The following SCN1A variants were observed in gnomAD, a reference collection of about 807,000 sequenced individuals.
The protein encoded by SCN1A is sodium channel protein type 1 subunit alpha.
In SCN1A, 13 loss-of-function variants were observed where a neutral mutation model predicts 193.7. That is an observed-to-expected ratio of 0.07 (90% CI 0.04 to 0.11). The LOEUF is 0.11. SCN1A is among the 10% of genes least tolerant of loss of function. The pLI is 1.00. For synonymous variants in SCN1A, 781 were observed against 843.6 expected, an observed-to-expected ratio of 0.93 and a Z score of 1.29; for missense variants, 1,432 against 2,451.1, an observed-to-expected ratio of 0.58 and a Z score of 8.78.
At position 165,988,922 on chromosome 2, in the gene SCN1A, C is replaced by T. The variant is rs1168089051; in HGVS notation, c.*2323G>A. On this transcript the variant is annotated 3_prime_UTR_variant, in exon 29 of 29. Transcript: ENST00000674923. ...TAGCTATCCTCTGACACCAGTTCTT[C>T]CTCCTAACAGAGAACACACCTGCTG... 1 of 152,414 alleles carries T rather than the reference C, an allele frequency of 6.6e-6. No individual in the cohort carries two copies. The highest frequency in any genetic ancestry group is 1.5e-5 in the Non-Finnish European group (1 of 68,036). 9.4% of individuals were successfully genotyped at this position (152,414 alleles called of 1,614,324 possible).
chr2:166,073,690 G>A lies in SCN1A; in HGVS notation c.-49-20C>T. 1 of 1,534,888 alleles carries A rather than the reference G, an allele frequency of 6.5e-7. No individual in the cohort carries two copies. The highest frequency in any genetic ancestry group is 9.0e-7 in the Non-Finnish European group (1 of 1,113,784). ...AAATTCCTAAAATAAAAGGAATACAGATATTTTAAAGAGTGGACTAAGAGA... is the reference window on the plus strand; with the variant it reads ...AAATTCCTAAAATAAAAGGAATACAAATATTTTAAAGAGTGGACTAAGAGA... On this transcript the variant is annotated intron_variant, in intron 3 of 28. Transcript: ENST00000674923.
intron 2 of SCN1A, among the ~76,000 whole-genome samples, chr2:166,084,759 A>T (rs556831396): frequency 6.6e-6 from 1 of 152,238 alleles, no homozygotes; most frequent in East Asian, 1.9e-4. Context: ...GACGCACCTG[A>T]CAGCAATAAT....
At position 165,990,524 on chromosome 2, in the gene SCN1A, T is replaced by C. The variant is rs4667859; in HGVS notation, c.*721A>G. ...TAAGATTTACTGGCCTACCCACAAA[T>C]AATCTACTTGGTCTAGGGGCTGGAT... On this transcript the variant is annotated 3_prime_UTR_variant, in exon 29 of 29. Coordinates refer to ENST00000674923, the MANE Select transcript of SCN1A (RefSeq NM_001165963.4). 1 allele frequency: 152,214 copies of C among 152,668 alleles called. 75,881 individuals are homozygous for C. Among genetic ancestry groups the C allele is most frequent in the Middle Eastern group, 1 (294 of 294 alleles). The allele number at this position is 152,668 out of a possible 1,614,324, so 9.5% of individuals were successfully genotyped here.
chr2:166,120,457 A>G (rs1294683653), intron 2 of SCN1A, among the ~76,000 whole-genome samples: 1 of 151,390 alleles, frequency 6.6e-6, no homozygotes, highest in African/African-American at 2.4e-5. Context: ...GGGCAATTTT[A>G]TATAGAATTA....
At chr2:166,011,970 ACT>A in intron 22 of SCN1A, 137 bp downstream of exon 22, 1 of 721,032 alleles carries the variant, frequency 1.4e-6, no homozygotes, top group African/African-American at 1.8e-5. Context: ...CAGAAATGAC[ACT>A]CTCATTGCAT....
In SCN1A at chr2:165,991,774, G is replaced by A. The variant is rs780809852; in HGVS notation, c.5501C>T (p.Ala1834Val). Residue 1834 changes from alanine (A) to valine (V), a missense_variant, in exon 29 of 29, where the codon GCG becomes GTG. Physicochemically the swap from Ala to Val is moderately conservative, Grantham distance 64. Coordinates refer to ENST00000674923, the MANE Select transcript of SCN1A (RefSeq NM_001165963.4). ...EFEKLSQFAA[A>V]LEPPLNLPQP... ...TGGCAGATTGAGAGGCGGTTCAAGC[G>A]CAGCTGCAAACTGAGATAATTTTTC... The A allele has an allele frequency of 1.6e-5, 26 of 1,613,778 alleles. No homozygotes were observed. The highest frequency in any genetic ancestry group is 7.7e-5 in the South Asian group (7 of 91,088).
In SCN1A at chr2:166,073,293, C is replaced by A. The variant is rs1436099513; in HGVS notation, c.264+65G>T. 1.8e-5 allele frequency: 29 copies of A among 1,592,852 alleles called. No individual in the cohort carries two copies. The Admixed American group carries it at 4.7e-4, about 26-fold the overall frequency. On this transcript the variant is annotated intron_variant, in intron 4 of 28. Coordinates refer to ENST00000674923, the MANE Select transcript of SCN1A (RefSeq NM_001165963.4). ...TGTGCTAATTTGGCATGTGTTGGTG[C>A]TACAACAGTCCAAGGAATGCAGTAG...
At chr2:166,121,791 G>C (rs879750561) in intron 2 of SCN1A, among the ~76,000 whole-genome samples, 7 of 152,148 alleles carry the variant, frequency 4.6e-5, no homozygotes. Context: ...AGGCTGAATT[G>C]TATCCTCCCC....
At chr2:166,089,329 C>A (rs1686508257) in intron 2 of SCN1A, among the ~76,000 whole-genome samples, 1 of 152,006 alleles carries the variant, frequency 6.6e-6, no homozygotes, top group East Asian at 1.9e-4. Context: ...ATGTAGCAGC[C>A]CTATATATGA....
At chr2:166,125,379 A>G (rs4667506) in intron 2 of SCN1A, among the ~76,000 whole-genome samples, 3,645 of 152,214 alleles carry the variant, frequency 0.024, 327 homozygotes, top group Admixed American at 0.16. Context: ...GCCCAGGGAG[A>G]AAGCAATACC....
At chr2:166,033,095 A>T (rs1695847025) in intron 19 of SCN1A, among the ~76,000 whole-genome samples, 1 of 152,138 alleles carries the variant, frequency 6.6e-6, no homozygotes, top group Admixed American at 6.6e-5. Context: ...AGCTACCCTA[A>T]AATATGATAG....
chr2:166,013,184 C>G (rs1388143148), intron 21 of SCN1A, among the ~76,000 whole-genome samples: 1 of 151,306 alleles, frequency 6.6e-6, no homozygotes, highest in Non-Finnish European at 1.5e-5. Context: ...AAGTGAACAC[C>G]TTGTTATAAA....
In SCN1A at chr2:166,146,971, C is replaced by A. The variant is rs559984719; in HGVS notation, c.-50+2076G>T. On this transcript the variant is annotated intron_variant, in intron 1 of 26. Coordinates refer to the SCN1A transcript ENST00000635750. The stretch of plus-strand genomic sequence containing the variant: ...GTATTTAACTATATACAGTAAAAAC[C>A]ATTTTTATAATATTTAACCAAATTA... Among the ~76,000 whole-genome samples, 9 of 152,110 alleles carry A rather than the reference C, an allele frequency of 5.9e-5. No homozygotes were observed. In the South Asian group the frequency reaches 1.9e-3, roughly 32 times the overall value.
At chr2:166,005,174 G>A (rs1691482472) in intron 23 of SCN1A, among the ~76,000 whole-genome samples, 2 of 151,448 alleles carry the variant, frequency 1.3e-5, no homozygotes. Context: ...ATATGTTCGT[G>A]AATCTTCCAG....
intron 2 of SCN1A, among the ~76,000 whole-genome samples, chr2:166,122,791 A>G (rs183920207): frequency 6.6e-6 from 1 of 152,208 alleles, no homozygotes; most frequent in South Asian, 2.1e-4. Flanking sequence ...AAATAATAGA[A>G]GTAAATTTTT....
At chr2:166,042,076 A>C (rs182871135) in intron 15 of SCN1A, among the ~76,000 whole-genome samples, 2 of 152,206 alleles carry the variant, frequency 1.3e-5, no homozygotes, top group African/African-American at 2.4e-5. Context: ...GTTGCTACAC[A>C]GTTAGGAAAA....
intron 21 of SCN1A, 149 bp downstream of exon 21, chr2:166,013,593 TAG>T (rs1692831632): frequency 7.3e-6 from 5 of 688,410 alleles, no homozygotes; most frequent in African/African-American, 1.8e-5. Context: ...TCCAGAAATA[TAG>T]AGTTATAGAG....
intron 4 of SCN1A, chr2:166,059,574 T>G (rs1683065592): frequency 6.6e-6 from 1 of 152,156 alleles, no homozygotes; most frequent in Admixed American, 6.6e-5. Context: ...GGTGCTTACT[T>G]ATATTTAGAC....
Position 165,987,554 on chromosome 2 carries a change from T to G in SCN1A, c.*3691A>C, listed in dbSNP as rs1688686504. ...AACTGCAAGAAACAGATTTGTACTTTTCCTTATTTACTTACATCAGTATGT... is the reference window on the plus strand; with the variant it reads ...AACTGCAAGAAACAGATTTGTACTTGTCCTTATTTACTTACATCAGTATGT... On this transcript the variant is annotated 3_prime_UTR_variant, in exon 29 of 29. Transcript: ENST00000674923. The G allele has an allele frequency of 6.6e-6, 1 of 152,142 alleles. No individual in the cohort carries two copies. Among genetic ancestry groups the G allele is most frequent in the South Asian group, 2.1e-4 (1 of 4,836 alleles). The allele number at this position is 152,142 out of a possible 1,614,324, so 9.4% of individuals were successfully genotyped here.
Sources: allele counts gnomAD v4.1 joint callset (sites outside exome capture counted in the v4.1 genomes callset), GRCh38; gene constraint gnomAD v4.1.1; transcripts MANE v1.5; gene names NCBI Gene and HGNC (gene_info 2026-07-23, HGNC 2026-07-21).